The following SHH variants were observed in gnomAD, a reference collection of about 807,000 sequenced individuals.
The protein encoded by SHH is sonic hedgehog signaling molecule.
Under a neutral mutation model 16.6 loss-of-function variants are expected in SHH, and 3 were observed. That is an observed-to-expected ratio of 0.18 (90% CI 0.08 to 0.47). The LOEUF (loss-of-function observed/expected upper bound fraction) is 0.47, where lower values mean the gene tolerates loss of function less well. Among genes scored for constraint, SHH ranks in the 20% least tolerant of loss-of-function variants. The pLI is 0.98. For missense variants in SHH, 499 were observed against 665.0 expected (o/e 0.75, Z 2.75); for synonymous variants, 351 against 316.2 (o/e 1.11, Z -1.17).
rs1473683107 is a variant in SHH at position 155,803,446 on chromosome 7, G to C, written c.843C>G (p.Ala281=). 1.3e-6 allele frequency: 2 copies of C among 1,542,252 alleles called. No individual in the cohort carries two copies. Among genetic ancestry groups the C allele is most frequent in the Non-Finnish European group, 1.7e-6 (2 of 1,148,824 alleles). ...CCGAGGACGCCTCGGGCTCCCCGGTGGCCGAGTCGTTGTGCGGCGCCACAA... is the reference window on the plus strand; with the variant it reads ...CCGAGGACGCCTCGGGCTCCCCGGTCGCCGAGTCGTTGTGCGGCGCCACAA... ...LLFVAPHNDS[A]TGEPEASSGS... Residue 281 remains alanine (A), a synonymous_variant, in exon 3 of 3, where the codon GCC becomes GCG. Coordinates refer to ENST00000297261, the MANE Select transcript of SHH (RefSeq NM_000193.4).
chr7:155,800,752 C>A lies in SHH; in HGVS notation c.*2148G>T. The A allele has an allele frequency of 2.4e-6, 1 of 418,812 alleles. No homozygotes were observed. Among genetic ancestry groups the A allele is most frequent in the Admixed American group, 2.7e-5 (1 of 36,396 alleles). 25.9% of individuals were successfully genotyped at this position (418,812 alleles called of 1,614,324 possible). ...GGCTCCAGAGGCCCTGCGCCATCCA[C>A]CTGGTCACACACCCTCCACGGAAGG... On this transcript the variant is annotated 3_prime_UTR_variant, in exon 3 of 3. Coordinates refer to ENST00000297261, the MANE Select transcript of SHH (RefSeq NM_000193.4).
rs1190194666 is a variant in SHH at position 155,807,740 on chromosome 7, G to A, written c.301-1183C>T. ...GTGGGACATGGGATTTAAAGAGGGGGAACTGGCACAGATGACGATGGTGGC... is the reference window on the plus strand; with the variant it reads ...GTGGGACATGGGATTTAAAGAGGGGAAACTGGCACAGATGACGATGGTGGC... On this transcript the variant is annotated intron_variant, in intron 1 of 2. Transcript: ENST00000297261. This position sits in a 1 kb window ranked among gnomAD's most constrained non-coding sequence, Gnocchi z 7.1. 6.6e-6 allele frequency among the ~76,000 whole-genome samples: 1 copy of A among 152,172 alleles called. No homozygotes were observed. The highest frequency in any genetic ancestry group is 1.5e-5 in the Non-Finnish European group (1 of 68,042).
At position 155,801,947 on chromosome 7, in the gene SHH, A is replaced by G. The variant is rs1314728903; in HGVS notation, c.*953T>C. On this transcript the variant is annotated 3_prime_UTR_variant, in exon 3 of 3. Transcript: ENST00000297261. ...TATTTCTCAATTTATTAATGCAAAA[A>G]CATCCTTTGTTTTCTCTGTACAAAC... 2 of 152,146 alleles carry G rather than the reference A, an allele frequency of 1.3e-5. No homozygotes were observed. Among genetic ancestry groups the G allele is most frequent in the Non-Finnish European group, 2.9e-5 (2 of 68,038 alleles). 9.4% of individuals were successfully genotyped at this position (152,146 alleles called of 1,614,324 possible). A position where few individuals can be genotyped will look rare whatever the true frequency, so the allele number is the denominator to read the frequency against.
chr7:155,802,738 C>G lies in SHH; in HGVS notation c.*162G>C. 2.3e-6 allele frequency: 1 copy of G among 440,750 alleles called. No individual in the cohort carries two copies. The highest frequency in any genetic ancestry group is 3.8e-6 in the Non-Finnish European group (1 of 264,936). 27.3% of individuals were successfully genotyped at this position (440,750 alleles called of 1,614,324 possible). A position where few individuals can be genotyped will look rare whatever the true frequency, so the allele number is the denominator to read the frequency against. ...CACAACAACAAAACTTCCCGGGGTC[C>G]TTGTTTCCTTAGAGTCTACTTTGGA... On this transcript the variant is annotated 3_prime_UTR_variant, in exon 3 of 3. Coordinates refer to ENST00000297261, the MANE Select transcript of SHH (RefSeq NM_000193.4).
chr7:155,811,638 C>T (rs1803525247), intron 1 of SHH, among the ~76,000 whole-genome samples, 185 bp downstream of exon 1: 1 of 152,154 alleles, frequency 6.6e-6, no homozygotes, highest in South Asian at 2.1e-4. Context: ...TCCAGCTGGA[C>T]CCTTGACCTC....
chr7:155,810,611 C>A (rs555363279), intron 1 of SHH, among the ~76,000 whole-genome samples: 1 of 152,370 alleles, frequency 6.6e-6, no homozygotes, highest in Admixed American at 6.5e-5. Context: ...CCATTCCTCT[C>A]CCTTCCGACA....
rs1428046961 is a variant in SHH at position 155,801,900 on chromosome 7, C to T, written c.*1000G>A. 1.3e-5 allele frequency: 2 copies of T among 152,102 alleles called. No individual in the cohort carries two copies. The highest frequency in any genetic ancestry group is 1.5e-5 in the Non-Finnish European group (1 of 68,014). The allele number at this position is 152,102 out of a possible 1,614,324, so 9.4% of individuals were successfully genotyped here. On this transcript the variant is annotated 3_prime_UTR_variant, in exon 3 of 3. Coordinates refer to ENST00000297261, the MANE Select transcript of SHH (RefSeq NM_000193.4). ...AACTATTACAAAATATTCAAAAATA[C>T]ATTTTAGTAAATTTACAGCGTTATT...
Position 155,803,195 on chromosome 7 carries a change from G to C in SHH, c.1094C>G (p.Ala365Gly). ...CGCCCAGCTGTGCTCCTCGATGACC[G>C]CGTAGCACGAGGCCAGCACCCGGTT... ...LINRVLASCY[A>G]VIEEHSWAHR... Residue 365 changes from alanine to glycine, a missense_variant, in exon 3 of 3, where the codon GCG becomes GGG. This residue lies in a region of SHH where 299 missense variants were observed against 301.1 expected (regional missense o/e 0.99). Coordinates refer to ENST00000297261, the MANE Select transcript of SHH (RefSeq NM_000193.4). The C allele has an allele frequency of 6.7e-7, 1 of 1,490,932 alleles. No individual in the cohort carries two copies. The allele number at this position is 1,490,932 out of a possible 1,614,324, so 92.4% of individuals were successfully genotyped here. A position where few individuals can be genotyped will look rare whatever the true frequency, so the allele number is the denominator to read the frequency against.
chr7:155,806,377 G>A lies in SHH; in HGVS notation c.481C>T (p.Leu161=), dbSNP rs1202580309. Residue 161 remains leucine, a synonymous_variant, in exon 2 of 3, where the codon CTG becomes TTG. Coordinates refer to ENST00000297261, the MANE Select transcript of SHH (RefSeq NM_000193.4). ...SDRDRSKYGM[L]ARLAVEAGFD... is the part of the protein sequence containing the mutation. ...CCGGCCTCCACCGCCAGGCGGGCCA[G>A]CATGCCGTACTTGCTGCGGTCGCGG... 1.7e-5 allele frequency: 27 copies of A among 1,613,574 alleles called. No individual in the cohort carries two copies. The highest frequency in any genetic ancestry group is 2.2e-5 in the Non-Finnish European group (26 of 1,180,038).
rs1018083136 is a variant in SHH, at chr7:155,800,929, C to T, written c.*1971G>A. 4.3e-5 allele frequency: 11 copies of T among 256,944 alleles called. No homozygotes were observed. The Admixed American group carries it at 4.7e-4, about 11-fold the overall frequency. The allele number at this position is 256,944 out of a possible 1,614,324, so 15.9% of individuals were successfully genotyped here. A position where few individuals can be genotyped will look rare whatever the true frequency, so the allele number is the denominator to read the frequency against. ...ACAGGCTGCAGCTGCTGGGAGGCCC[C>T]AAGCTCATGCAGCGCAACTCTTCCA... On this transcript the variant is annotated 3_prime_UTR_variant, in exon 3 of 3. Coordinates refer to ENST00000297261, the MANE Select transcript of SHH (RefSeq NM_000193.4).
intron 2 of SHH, among the ~76,000 whole-genome samples, chr7:155,804,702 C>G (rs1803303172): frequency 6.6e-6 from 1 of 152,228 alleles, no homozygotes; most frequent in East Asian, 1.9e-4. Context: ...CCTTGACTAC[C>G]CGCTTTCTCG....
rs1803153238 is a variant in SHH at position 155,800,374 on chromosome 7, C to G, written c.*2526G>C. 1 of 392,716 alleles carries G rather than the reference C, an allele frequency of 2.5e-6. No homozygotes were observed. The highest frequency in any genetic ancestry group is 5.1e-6 in the Non-Finnish European group (1 of 196,338). 24.3% of individuals were successfully genotyped at this position (392,716 alleles called of 1,614,324 possible). On this transcript the variant is annotated 3_prime_UTR_variant, in exon 3 of 3. Transcript: ENST00000297261. ...GGCCTGTCCAGGAGGGAGTGCCACCCAGGAGTGAGGATTTCCCATCCGGGT... is the reference window on the plus strand; with the variant it reads ...GGCCTGTCCAGGAGGGAGTGCCACCGAGGAGTGAGGATTTCCCATCCGGGT...
At position 155,803,391 on chromosome 7, in the gene SHH, C is replaced by A. The variant is rs1223393226; in HGVS notation, c.898G>T (p.Gly300Trp). 2 of 1,502,652 alleles carry A rather than the reference C, an allele frequency of 1.3e-6. No homozygotes were observed. Among genetic ancestry groups the A allele is most frequent in the South Asian group, 2.5e-5 (2 of 79,394 alleles). 93.1% of individuals were successfully genotyped at this position (1,502,652 alleles called of 1,614,324 possible). ...CGGCTGGCGAACAGCGCCCGAGGCC[C>A]CAGTGCGCCCCCGGAAGGCGGCCCC... is the stretch of plus-strand genomic sequence containing the variant. ...GSGPPSGGAL[G>W]PRALFASRVR... Residue 300 changes from glycine (G) to tryptophan (W), a missense_variant, in exon 3 of 3, where the codon GGG (glycine) becomes TGG (tryptophan). Around this residue, in one of 4 missense-constraint regions of SHH, gnomAD observed 299 missense variants for 301.1 expected, o/e 0.99. Transcript: ENST00000297261.
intron 1 of SHH, among the ~76,000 whole-genome samples, chr7:155,808,391 C>A (rs1344202566): frequency 1.3e-5 from 2 of 152,348 alleles, no homozygotes; most frequent in East Asian, 3.9e-4. Flanking sequence ...AACAGCTTCC[C>A]AGGAGGGCAG....
intron 1 of SHH, 71 bp downstream of exon 1, chr7:155,811,752 T>C (rs1468726273): frequency 2.8e-6 from 4 of 1,453,586 alleles, no homozygotes; most frequent in African/African-American, 1.4e-5. Flanking sequence ...CAGAGTTAAG[T>C]CTGGAAGTGT....
chr7:155,804,272 C>T (rs1028896562), intron 2 of SHH, among the ~76,000 whole-genome samples: 8 of 151,934 alleles, frequency 5.3e-5, no homozygotes, highest in African/African-American at 1.4e-4. Context: ...CCCTGCCGCG[C>T]CTCGGCGTGG....
chr7:155,806,528 G>T lies in SHH; in HGVS notation c.330C>A (p.Ala110=), dbSNP rs552960040. The change falls in exon 2 of 3, where the codon GCC becomes GCA. Residue 110 remains alanine (A), a synonymous_variant. Coordinates refer to ENST00000297261, the MANE Select transcript of SHH (RefSeq NM_000193.4). Reference sequence around the variant, plus strand: ...CTGGCCACTGGTTCATCACCGAGATGGCCAAAGCGTTCAACTTGTCCTTAC... The same window carrying T: ...CTGGCCACTGGTTCATCACCGAGATTGCCAAAGCGTTCAACTTGTCCTTAC... The part of the protein sequence containing the change: ...QRCKDKLNAL[A]ISVMNQWPGV... The T allele has an allele frequency of 6.2e-7, 1 of 1,611,870 alleles. No individual in the cohort carries two copies. Among genetic ancestry groups the T allele is most frequent in the South Asian group, 1.1e-5 (1 of 91,088 alleles).
At chr7:155,804,207 G>A (rs1167480272) in intron 2 of SHH, among the ~76,000 whole-genome samples, 2 of 151,432 alleles carry the variant, frequency 1.3e-5, no homozygotes, top group Non-Finnish European at 2.9e-5. Flanking sequence ...CAGCACCCGG[G>A]CTGCGCGGCG....
chr7:155,809,244 G>C lies in SHH; in HGVS notation c.300+2579C>G, dbSNP rs888103230. 3.9e-5 allele frequency among the ~76,000 whole-genome samples: 6 copies of C among 152,190 alleles called. No homozygotes were observed. Among genetic ancestry groups the C allele is most frequent in the Non-Finnish European group, 8.8e-5 (6 of 68,038 alleles). On this transcript the variant is annotated intron_variant, in intron 1 of 2. Coordinates refer to ENST00000297261, the MANE Select transcript of SHH (RefSeq NM_000193.4). This position sits in a 1 kb window ranked among gnomAD's most constrained non-coding sequence, Gnocchi z 6.1. ...CTGCTCCGAAAGTTCCACTGGGGACGATCTCGCCATGGTTGAGGGACTTGG... is the reference window on the plus strand; with the variant it reads ...CTGCTCCGAAAGTTCCACTGGGGACCATCTCGCCATGGTTGAGGGACTTGG...
Sources: allele counts gnomAD v4.1 joint callset (sites outside exome capture counted in the v4.1 genomes callset), GRCh38; gene constraint gnomAD v4.1.1; regional missense constraint gnomAD v4.1.1; non-coding constraint Gnocchi (gnomAD v3.1); transcripts MANE v1.5; gene names NCBI Gene and HGNC (gene_info 2026-07-23, HGNC 2026-07-21).